RPS6KC1: variants seen among roughly 807,000 people sequenced by gnomAD.
The protein encoded by RPS6KC1 is inactive ribosomal protein S6 kinase delta-1.
In RPS6KC1, 54 loss-of-function variants were observed where a neutral mutation model predicts 103.8. The observed-to-expected ratio is 0.52, with a 90% CI of 0.42 to 0.65. RPS6KC1 has a LOEUF of 0.65. Among genes scored for constraint, RPS6KC1 ranks in the 30% least tolerant of loss-of-function variants. The pLI, the probability that RPS6KC1 is intolerant of heterozygous loss-of-function variation, is 0.00. For missense variants in RPS6KC1, 1,151 were observed against 1,253.8 expected (o/e 0.92, Z 1.24); for synonymous variants, 439 against 438.7 (o/e 1.00, Z -0.01).
Position 213,272,645 on chromosome 1 carries a change from G to T in RPS6KC1, c.*11G>T. 6.3e-7 allele frequency: 1 copy of T among 1,579,396 alleles called. No individual in the cohort carries two copies. The highest frequency in any genetic ancestry group is 1.1e-5 in the South Asian group (1 of 90,380). On this transcript the variant is annotated 3_prime_UTR_variant, in exon 15 of 15. Transcript: ENST00000366960. ...GAACTGATGAGATGAACGTAATGCA[G>T]GGTTATCTTCACACATTCTGATCTT...
the RPS6KC1 span, among the ~76,000 whole-genome samples, chr1:213,342,022 C>T: frequency 9.9e-4 from 151 of 152,326 alleles, no homozygotes; most frequent in Admixed American, 8.5e-3. Context: ...TTCATTTCTC[C>T]GTTTGATTCT....
At chr1:213,523,771 CACTT>C in the RPS6KC1 span, among the ~76,000 whole-genome samples, 2 of 152,170 alleles carry the variant, frequency 1.3e-5, no homozygotes, top group Non-Finnish European at 2.9e-5. Context: ...TAGCAGAAGT[CACTT>C]ACAGTGCTTG....
the RPS6KC1 span, among the ~76,000 whole-genome samples, chr1:213,842,481 G>A: frequency 7.9e-5 from 12 of 152,180 alleles, no homozygotes; most frequent in Admixed American, 7.9e-4. Flanking sequence ...ATTTTGACTT[G>A]TCAAATACTT....
chr1:213,805,024 A>T, the RPS6KC1 span, among the ~76,000 whole-genome samples: 14 of 152,388 alleles, frequency 9.2e-5, no homozygotes, highest in South Asian at 2.7e-3. Context: ...ACTGTAGTCT[A>T]CGAAGTGAGC....
chr1:213,467,762 A>G, the RPS6KC1 span, among the ~76,000 whole-genome samples: 2 of 152,142 alleles, frequency 1.3e-5, no homozygotes, highest in African/African-American at 4.8e-5. Flanking sequence ...GGTTGCAGGA[A>G]GGGAGAACAT....
chr1:213,051,565 G>A (rs1162215767), intron 1 of RPS6KC1, 56 bp downstream of exon 1: 3 of 1,295,380 alleles, frequency 2.3e-6, no homozygotes, highest in African/African-American at 2.9e-5. Flanking sequence ...AGGATCTGGG[G>A]TGGGGACCCT....
At chr1:213,744,001 C>A in the RPS6KC1 span, among the ~76,000 whole-genome samples, 1 of 152,062 alleles carries the variant, frequency 6.6e-6, no homozygotes, top group Admixed American at 6.6e-5. Flanking sequence ...AGTTAGAGAC[C>A]ATTATTCTAA....
At chr1:213,364,729 G>A in the RPS6KC1 span, among the ~76,000 whole-genome samples, 2 of 152,066 alleles carry the variant, frequency 1.3e-5, no homozygotes, top group African/African-American at 2.4e-5. Context: ...CTAGGCGGGC[G>A]GATCACCTGA....
the RPS6KC1 span, among the ~76,000 whole-genome samples, chr1:213,336,777 G>A: frequency 1.3e-5 from 2 of 152,144 alleles, no homozygotes; most frequent in African/African-American, 2.4e-5. Context: ...TGTGTTTTCT[G>A]GCTCCAAATC....
intron 8 of RPS6KC1, among the ~76,000 whole-genome samples, chr1:213,178,127 C>T (rs142503916): frequency 9.9e-5 from 15 of 151,178 alleles, no homozygotes; most frequent in East Asian, 1.9e-4. Flanking sequence ...TTGAGGCTGC[C>T]GTGAGCCGTG....
At chr1:213,373,145 C>T in the RPS6KC1 span, among the ~76,000 whole-genome samples, 4 of 152,180 alleles carry the variant, frequency 2.6e-5, no homozygotes, top group Admixed American at 1.3e-4. Flanking sequence ...CTTTCAGCTT[C>T]CACTGAGGTC....
the RPS6KC1 span, among the ~76,000 whole-genome samples, chr1:213,287,586 T>A: frequency 2.0e-5 from 3 of 152,190 alleles, no homozygotes; most frequent in Non-Finnish European, 2.9e-5. Flanking sequence ...TTTTTTTTGT[T>A]ATTGTTTTTT....
At chr1:213,798,526 G>A in the RPS6KC1 span, among the ~76,000 whole-genome samples, 1 of 152,178 alleles carries the variant, frequency 6.6e-6, no homozygotes, top group East Asian at 1.9e-4. Context: ...TCTAGAGCTT[G>A]ACCCCCAGCC....
At chr1:213,439,854 AGAGAGAGAGAAG>A in the RPS6KC1 span, among the ~76,000 whole-genome samples, 1 of 152,172 alleles carries the variant, frequency 6.6e-6, no homozygotes, top group African/African-American at 2.4e-5. Flanking sequence ...AGTGGGAGAG[AGAGAGAGAGAAG>A]GAGAGAGAGA....
intron 8 of RPS6KC1, among the ~76,000 whole-genome samples, chr1:213,197,195 A>G (rs2092984017): frequency 6.6e-6 from 1 of 152,198 alleles, no homozygotes; most frequent in African/African-American, 2.4e-5. Context: ...GCCTTGTAGT[A>G]CAGTTTGAAG....
At chr1:213,607,933 C>T in the RPS6KC1 span, among the ~76,000 whole-genome samples, 424 of 152,244 alleles carry the variant, frequency 2.8e-3, 3 homozygotes, top group Non-Finnish European at 5.2e-3. Flanking sequence ...TCAGTTCTCC[C>T]ATCCATGGAT....
At chr1:213,702,675 T>C in the RPS6KC1 span, among the ~76,000 whole-genome samples, 3 of 152,192 alleles carry the variant, frequency 2.0e-5, no homozygotes, top group African/African-American at 7.2e-5. Flanking sequence ...TGTAATTCTT[T>C]GACTCTTCTT....
At chr1:213,341,628 A>G in the RPS6KC1 span, among the ~76,000 whole-genome samples, 6 of 152,332 alleles carry the variant, frequency 3.9e-5, no homozygotes, top group South Asian at 1.2e-3. Context: ...TCAGTTACTA[A>G]GTTGCAGGTA....
chr1:213,369,829 T>C, the RPS6KC1 span, among the ~76,000 whole-genome samples: 1 of 152,226 alleles, frequency 6.6e-6, no homozygotes, highest in African/African-American at 2.4e-5. Context: ...CAGGGAACTG[T>C]CCATTTAATC....
Sources: allele counts gnomAD v4.1 joint callset (sites outside exome capture counted in the v4.1 genomes callset), GRCh38; gene constraint gnomAD v4.1.1; transcripts MANE v1.5; gene names NCBI Gene and HGNC (gene_info 2026-07-23, HGNC 2026-07-21).